Variants in KIF1B observed in about 807,000 individuals in gnomAD.
The protein encoded by KIF1B is kinesin-like protein KIF1B.
KIF1B carries 76 observed loss-of-function variants against 241.9 expected under a neutral mutation model. The ratio of observed to expected loss-of-function variants is 0.31; its 90% CI spans 0.26 to 0.38. The LOEUF (loss-of-function observed/expected upper bound fraction) is 0.38, where lower values mean the gene tolerates loss of function less well. Ranked by LOEUF, KIF1B falls within the 10% of genes least tolerant of loss-of-function variation. The probability of loss-of-function intolerance (pLI) is 1.00; values close to 1 mark genes in which losing one functional copy is unlikely to be tolerated. For missense variants in KIF1B, 1,622 were observed against 2,271.4 expected, an observed-to-expected ratio of 0.71 and a Z score of 5.81; for synonymous variants, 750 against 796.7, an observed-to-expected ratio of 0.94 and a Z score of 0.99.
chr1:10,295,916 A>G, intron 19 of KIF1B, 150 bp downstream of exon 19: 1 of 721,622 alleles, frequency 1.4e-6, no homozygotes, highest in Non-Finnish European at 2.4e-6. Flanking sequence ...TTATGAATGC[A>G]GAGATGGACA....
intron 1 of KIF1B, among the ~76,000 whole-genome samples, chr1:10,226,971 A>AC (rs1646916028): frequency 3.0e-5 from 3 of 98,762 alleles, no homozygotes; most frequent in African/African-American, 7.8e-5. Context: ...ACCCTGTCTC[A>AC]AAAACAAACA....
At chr1:10,224,114 G>C (rs1361550621) in intron 1 of KIF1B, among the ~76,000 whole-genome samples, 1 of 151,840 alleles carries the variant, frequency 6.6e-6, no homozygotes, top group Non-Finnish European at 1.5e-5. Flanking sequence ...CCCTGACCGT[G>C]GTTTTTGTTT....
chr1:10,293,167 T>C (rs1162766836), intron 17 of KIF1B, among the ~76,000 whole-genome samples: 1 of 152,074 alleles, frequency 6.6e-6, no homozygotes, highest in African/African-American at 2.4e-5. Context: ...AGATGCATAT[T>C]GTAGAATAGA....
At chr1:10,230,314 A>C (rs1646963806) in intron 1 of KIF1B, among the ~76,000 whole-genome samples, 1 of 152,140 alleles carries the variant, frequency 6.6e-6, no homozygotes, top group Admixed American at 6.5e-5. Flanking sequence ...GGTTCCTGAT[A>C]ATTGGATTCG....
intron 12 of KIF1B, 133 bp downstream of exon 12, chr1:10,276,532 A>C: frequency 2.8e-6 from 2 of 706,550 alleles, no homozygotes; most frequent in Non-Finnish European, 5.1e-6. Flanking sequence ...CATAACAGGG[A>C]AAACTTAGGG....
intron 22 of KIF1B, chr1:10,307,864 A>G: frequency 9.6e-7 from 1 of 1,046,480 alleles, no homozygotes; most frequent in Non-Finnish European, 1.2e-6. Context: ...CATTCTCTTT[A>G]GTAAGTGTAA....
chr1:10,295,864 C>A, intron 19 of KIF1B, 98 bp downstream of exon 19: 1 of 1,019,868 alleles, frequency 9.8e-7, no homozygotes, highest in South Asian at 1.3e-5. Flanking sequence ...GTAGTACTTT[C>A]TTATACAATC....
chr1:10,314,446 G>T (rs1411467556), intron 22 of KIF1B, among the ~76,000 whole-genome samples: 1 of 151,192 alleles, frequency 6.6e-6, no homozygotes, highest in East Asian at 1.9e-4. Context: ...TTGAGATGGG[G>T]TCTCGCTGTG....
At chr1:10,329,054 GT>G (rs1171924207) in intron 27 of KIF1B, among the ~76,000 whole-genome samples, 1 of 152,134 alleles carries the variant, frequency 6.6e-6, no homozygotes, top group Non-Finnish European at 1.5e-5. Flanking sequence ...TAGTTTTATA[GT>G]TTTCTTTCTT....
chr1:10,265,587 G>A (rs1420323133), intron 5 of KIF1B, among the ~76,000 whole-genome samples: 1 of 152,116 alleles, frequency 6.6e-6, no homozygotes, highest in East Asian at 1.9e-4. Context: ...GCTCACACCT[G>A]TAATCCCTGC....
intron 7 of KIF1B, among the ~76,000 whole-genome samples, chr1:10,268,625 CT>C (rs5772405): frequency 0.32 from 41,686 of 129,820 alleles, 6,018 homozygotes; most frequent in Admixed American, 0.38. Context: ...TATGTGTATT[CT>C]TTTTTTTTTT....
chr1:10,298,726 G>A (rs1298779179), intron 22 of KIF1B, among the ~76,000 whole-genome samples: 1 of 152,138 alleles, frequency 6.6e-6, no homozygotes, highest in Non-Finnish European at 1.5e-5. Flanking sequence ...TAACAATAAT[G>A]CCTTGTATTT....
rs1218537471 is a variant in KIF1B at position 10,303,674 on chromosome 1, TG to T, written c.2115+6429del. ...CATATAGACAAGCTGGAAGATATTTTGCAAGAAGTCAAAAAGCAAAATAACA... is the reference window on the plus strand; with the variant it reads ...CATATAGACAAGCTGGAAGATATTTTCAAGAAGTCAAAAAGCAAAATAACA... On this transcript the variant is annotated intron_variant, in intron 22 of 48. Coordinates refer to ENST00000676179, the MANE Select transcript of KIF1B (RefSeq NM_001365951.3). This position sits in a 1 kb window ranked among gnomAD's most constrained non-coding sequence, Gnocchi z 5.2. 5 of 1,614,186 alleles carry T rather than the reference TG, an allele frequency of 3.1e-6. No homozygotes were observed. Among genetic ancestry groups the T allele is most frequent in the Non-Finnish European group, 3.4e-6 (4 of 1,180,034 alleles).
At chr1:10,215,172 A>ATATATAT (rs1377684765) in intron 1 of KIF1B, among the ~76,000 whole-genome samples, 4 of 45,350 alleles carry the variant, frequency 8.8e-5, no homozygotes, top group African/African-American at 4.0e-4. Context: ...ATATATATAT[A>ATATATAT]TTTTTTTTTT....
At position 10,296,504 on chromosome 1, in the gene KIF1B, C is replaced by A. The variant is rs2275424; in HGVS notation, c.1778-78C>A. 0.28 allele frequency: 334,745 copies of A among 1,194,690 alleles called. 48,725 individuals are homozygous for A. The highest frequency in any genetic ancestry group is 0.33 in the Admixed American group (17,803 of 54,330). 74.0% of individuals were successfully genotyped at this position (1,194,690 alleles called of 1,614,324 possible). A position where few individuals can be genotyped will look rare whatever the true frequency, so the allele number is the denominator to read the frequency against. ...GGGATTTATTCTACTTACTGCAAATCCTGATAAGCAACTGCTTTCCATTAT... is the reference window on the plus strand; with the variant it reads ...GGGATTTATTCTACTTACTGCAAATACTGATAAGCAACTGCTTTCCATTAT... On this transcript the variant is annotated intron_variant, in intron 19 of 48. Transcript: ENST00000676179.
At chr1:10,344,172 C>T (rs937405281) in intron 34 of KIF1B, among the ~76,000 whole-genome samples, 10 of 152,190 alleles carry the variant, frequency 6.6e-5, no homozygotes, top group South Asian at 2.1e-4. Flanking sequence ...TTTCTGAGCA[C>T]GCCAGTGTGC....
In KIF1B at chr1:10,343,268, C is replaced by T. The variant is rs751575809; in HGVS notation, c.3669C>T (p.Pro1223=). 3 of 1,614,218 alleles carry T rather than the reference C, an allele frequency of 1.9e-6. No homozygotes were observed. Among genetic ancestry groups the T allele is most frequent in the Non-Finnish European group, 2.5e-6 (3 of 1,180,030 alleles). The change falls in exon 34 of 49, where the codon CCC becomes CCT. Residue 1223 remains proline (P), a synonymous_variant. Transcript: ENST00000676179. ...CGTGCCGCCGATTCTTCCCTCCACC[C>T]ATGCCACTGTCCAAGCCAGGTGAGC... ...PQPCRRFFPP[P]MPLSKPVPAT... is the part of the protein sequence containing the mutation.
intron 1 of KIF1B, among the ~76,000 whole-genome samples, chr1:10,222,067 G>A (rs148381147): frequency 1.8e-4 from 27 of 152,236 alleles, no homozygotes; most frequent in African/African-American, 6.3e-4. Context: ...AGAGGTAAGG[G>A]AACTACTGAC....
Position 10,365,125 on chromosome 1 carries a change from C to A in KIF1B, c.4392C>A (p.Ile1464=). The change falls in exon 42 of 49, where the codon ATC becomes ATA. Residue 1464 remains isoleucine (I), a synonymous_variant. Coordinates refer to ENST00000676179, the MANE Select transcript of KIF1B (RefSeq NM_001365951.3). This position sits in a 1 kb window ranked among gnomAD's most constrained non-coding sequence, Gnocchi z 4.0. The stretch of plus-strand genomic sequence containing the variant: ...GTATGCAGAGAAGGAGAAGAAAAAT[C>A]TTAGATACGTCAGTGGCATATGTGC... ...SPGMQRRRRK[I]LDTSVAYVRG... is the part of the protein sequence containing the mutation. 1 of 1,613,612 alleles carries A rather than the reference C, an allele frequency of 6.2e-7. No homozygotes were observed. The highest frequency in any genetic ancestry group is 8.5e-7 in the Non-Finnish European group (1 of 1,179,896).
Sources: allele counts gnomAD v4.1 joint callset (sites outside exome capture counted in the v4.1 genomes callset), GRCh38; gene constraint gnomAD v4.1.1; non-coding constraint Gnocchi (gnomAD v3.1); transcripts MANE v1.5; gene names NCBI Gene and HGNC (gene_info 2026-07-23, HGNC 2026-07-21).